Variants in TAS2R1 observed in about 807,000 individuals in gnomAD.
TAS2R1 encodes the protein taste 2 receptor member 1.
For synonymous variants in TAS2R1, 141 were observed against 134.2 expected, an observed-to-expected ratio of 1.05 and a Z score of -0.35; for missense variants, 370 against 353.4, an observed-to-expected ratio of 1.05 and a Z score of -0.38.
chr5:9,679,614 T>C (rs1023426226), intron 1 of TAS2R1, among the ~76,000 whole-genome samples: 1 of 152,184 alleles, frequency 6.6e-6, no homozygotes, highest in Non-Finnish European at 1.5e-5. Context: ...TACACTGGAA[T>C]TGAACAATTA....
chr5:9,724,197 G>A, the TAS2R1 span, among the ~76,000 whole-genome samples: 2 of 152,176 alleles, frequency 1.3e-5, no homozygotes, highest in Non-Finnish European at 2.9e-5. Flanking sequence ...GGCCACATTA[G>A]GCCAAGAACC....
upstream of TAS2R1, among the ~76,000 whole-genome samples, chr5:9,634,247 C>G (rs914205763): frequency 2.2e-4 from 34 of 152,082 alleles, no homozygotes; most frequent in African/African-American, 8.2e-4. Flanking sequence ...GATCAGTTGG[C>G]TATAAGTATT....
At chr5:9,833,642 GA>G in the TAS2R1 span, among the ~76,000 whole-genome samples, 1 of 152,134 alleles carries the variant, frequency 6.6e-6, no homozygotes, top group East Asian at 1.9e-4. Flanking sequence ...ATCCATAAAA[GA>G]AGAAAAATAC....
At chr5:9,672,691 A>G (rs192344337) in intron 1 of TAS2R1, among the ~76,000 whole-genome samples, 4 of 152,318 alleles carry the variant, frequency 2.6e-5, no homozygotes, top group Non-Finnish European at 5.9e-5. Flanking sequence ...TTGAAATGTA[A>G]ATTAGTTCAG....
the TAS2R1 span, among the ~76,000 whole-genome samples, chr5:9,760,348 G>A: frequency 6.6e-6 from 1 of 152,226 alleles, no homozygotes; most frequent in Non-Finnish European, 1.5e-5. Context: ...TTAATATGAG[G>A]CCAGCATTGC....
chr5:9,674,931 T>A (rs889578647), intron 1 of TAS2R1, among the ~76,000 whole-genome samples: 25 of 152,118 alleles, frequency 1.6e-4, no homozygotes, highest in African/African-American at 5.8e-4. Context: ...GCTGACATTC[T>A]TGTGTATGTA....
chr5:9,811,049 A>C, the TAS2R1 span, among the ~76,000 whole-genome samples: 8 of 152,274 alleles, frequency 5.3e-5, no homozygotes, highest in African/African-American at 1.7e-4. Flanking sequence ...CATATGTTGA[A>C]ACCTAATTAC....
chr5:9,658,873 G>A (rs1457672118), intron 2 of TAS2R1: 1 of 152,196 alleles, frequency 6.6e-6, no homozygotes, highest in Non-Finnish European at 1.5e-5. Context: ...GCACAACACG[G>A]TCTTTTAATC....
At chr5:9,752,847 C>A in the TAS2R1 span, among the ~76,000 whole-genome samples, 1 of 152,222 alleles carries the variant, frequency 6.6e-6, no homozygotes, top group South Asian at 2.1e-4. Flanking sequence ...TGGTTTCCAG[C>A]TTCATCCATG....
chr5:9,886,331 A>ATTTTT, the TAS2R1 span, among the ~76,000 whole-genome samples: 6 of 98,110 alleles, frequency 6.1e-5, no homozygotes, highest in Admixed American at 1.3e-4. Flanking sequence ...TGCGCCCAGC[A>ATTTTT]TTTTTTTTTT....
chr5:9,705,735 C>T (rs1254967090), intron 1 of TAS2R1, among the ~76,000 whole-genome samples: 1 of 152,092 alleles, frequency 6.6e-6, no homozygotes, highest in African/African-American at 2.4e-5. Context: ...TGGTGCATGT[C>T]GGTAATCCCA....
At chr5:9,902,406 C>T in the TAS2R1 span, among the ~76,000 whole-genome samples, 1 of 152,000 alleles carries the variant, frequency 6.6e-6, no homozygotes, top group Admixed American at 6.6e-5. Flanking sequence ...AAATTTAACC[C>T]AGCCATGGCT....
At chr5:9,894,318 C>T in the TAS2R1 span, among the ~76,000 whole-genome samples, 5 of 151,992 alleles carry the variant, frequency 3.3e-5, no homozygotes, top group Admixed American at 3.3e-4. Context: ...GCAGGAGAAT[C>T]GCTTGAACCT....
At chr5:9,776,373 G>A in the TAS2R1 span, among the ~76,000 whole-genome samples, 1 of 152,218 alleles carries the variant, frequency 6.6e-6, no homozygotes, top group Non-Finnish European at 1.5e-5. Context: ...CCTCTTCAGT[G>A]CCTCCTTCAG....
intron 1 of TAS2R1, among the ~76,000 whole-genome samples, chr5:9,683,447 G>A (rs1046721094): frequency 6.6e-6 from 1 of 152,144 alleles, no homozygotes; most frequent in South Asian, 2.1e-4. Flanking sequence ...GTATTGTCAA[G>A]GAGGAACAGA....
chr5:9,747,960 T>A, the TAS2R1 span, among the ~76,000 whole-genome samples: 1 of 151,928 alleles, frequency 6.6e-6, no homozygotes, highest in Non-Finnish European at 1.5e-5. Context: ...TTAGGGGATG[T>A]GTTATGGATA....
chr5:9,798,456 T>G, the TAS2R1 span, among the ~76,000 whole-genome samples: 1 of 152,232 alleles, frequency 6.6e-6, no homozygotes, highest in Non-Finnish European at 1.5e-5. Context: ...TGATATTTGG[T>G]AGGAAATGTT....
chr5:9,864,446 G>C, the TAS2R1 span, among the ~76,000 whole-genome samples: 1 of 151,902 alleles, frequency 6.6e-6, no homozygotes, highest in East Asian at 1.9e-4. Context: ...TGGCCAACAC[G>C]GTGAAACACC....
At chr5:9,896,504 T>C in the TAS2R1 span, among the ~76,000 whole-genome samples, 1 of 152,072 alleles carries the variant, frequency 6.6e-6, no homozygotes, top group African/African-American at 2.4e-5. Context: ...CTGTTACTTG[T>C]CCTCCCTTCT....
Sources: gnomAD v4.1 joint callset for allele counts (sites outside exome capture counted in the v4.1 genomes callset) on GRCh38, gnomAD v4.1.1 for gene constraint, MANE v1.5 for transcripts, NCBI Gene and HGNC (gene_info 2026-07-23, HGNC 2026-07-21) for gene names.